The following MTAP variants were observed in gnomAD, a reference collection of about 807,000 sequenced individuals.
The protein encoded by MTAP is S-methyl-5'-thioadenosine phosphorylase.
A neutral mutation model predicts 33.6 loss-of-function variants in MTAP; 33 were observed. That is an observed-to-expected ratio of 0.98 (90% CI 0.74 to 1.31). The LOEUF (loss-of-function observed/expected upper bound fraction) is 1.31, where lower values mean the gene tolerates loss of function less well. MTAP is among the 40% of genes most tolerant of loss of function. The pLI is 0.00. For synonymous variants in MTAP, 148 were observed against 125.7 expected, an observed-to-expected ratio of 1.18 and a Z score of -1.19; for missense variants, 367 against 360.0, an observed-to-expected ratio of 1.02 and a Z score of -0.16.
intron 5 of MTAP, among the ~76,000 whole-genome samples, chr9:21,849,852 A>G (rs1249316439): frequency 6.6e-6 from 1 of 152,206 alleles, no homozygotes; most frequent in African/African-American, 2.4e-5. Context: ...ATGTGATTTC[A>G]TTGCTTGAGC....
intron 6 of MTAP, 60 bp downstream of exon 6, chr9:21,854,930 C>A: frequency 6.4e-7 from 1 of 1,571,152 alleles, no homozygotes. Flanking sequence ...AATAGGGTGT[C>A]TTAACTGTTT....
At chr9:21,915,052 C>CT (rs1563869490) in intron 1 of MTAP, among the ~76,000 whole-genome samples, 60 of 98,942 alleles carry the variant, frequency 6.1e-4, no homozygotes, top group Middle Eastern at 4.7e-3. Flanking sequence ...TCCTTCCTTC[C>CT]TTCCTTTCTT....
At chr9:21,813,266 C>T (rs916402965) in intron 1 of MTAP, among the ~76,000 whole-genome samples, 7 of 152,316 alleles carry the variant, frequency 4.6e-5, no homozygotes, top group South Asian at 2.1e-4. Context: ...CTGTATCCCT[C>T]GCACAATGTA....
In MTAP at chr9:21,851,599, G is replaced by T. The variant is rs117549733; in HGVS notation, c.451-3032G>T. Among the ~76,000 whole-genome samples the T allele has an allele frequency of 6.6e-3, 1,010 of 152,264 alleles. 17 individuals are homozygous for T. Among genetic ancestry groups the T allele is most frequent in the East Asian group, 0.053 (272 of 5,176 alleles). ...GATTATGTATGATCTCAGGAGATGT[G>T]TATGGATTCATGTGGACTTGTGATG... is the stretch of plus-strand genomic sequence containing the variant. On this transcript the variant is annotated intron_variant, in intron 5 of 7. Transcript: ENST00000644715.
chr9:21,817,638 A>C (rs953916987), intron 3 of MTAP, among the ~76,000 whole-genome samples: 1 of 152,012 alleles, frequency 6.6e-6, no homozygotes. Context: ...CTCCATGGTT[A>C]AGCTGTACCT....
At chr9:21,817,904 G>A in intron 3 of MTAP, 131 bp from the exon 4 acceptor site, 6 of 821,166 alleles carry the variant, frequency 7.3e-6, no homozygotes, top group Non-Finnish European at 1.1e-5. Context: ...TCACTGGACT[G>A]GGTTCTAGGA....
At chr9:21,889,201 G>T (rs1818160524) in intron 1 of MTAP, among the ~76,000 whole-genome samples, 1 of 151,912 alleles carries the variant, frequency 6.6e-6, no homozygotes, top group Non-Finnish European at 1.5e-5. Flanking sequence ...GTCTTTGTCA[G>T]ATTGGGTTAA....
intron 1 of MTAP, among the ~76,000 whole-genome samples, chr9:21,928,079 C>T (rs920595032): frequency 6.6e-6 from 1 of 152,186 alleles, no homozygotes. Context: ...CCCCAGTGAA[C>T]TGCCCTTCTC....
rs562411829 is a variant in MTAP, at chr9:21,898,619, GAC to G, written c.148-32385_148-32384del. Among the ~76,000 whole-genome samples the G allele has an allele frequency of 2.0e-5, 3 of 152,132 alleles. No individual in the cohort carries two copies. In the South Asian group the frequency reaches 6.2e-4, roughly 32 times the overall value. On this transcript the variant is annotated intron_variant, in intron 1 of 1. Coordinates refer to the MTAP transcript ENST00000577563. ...AAAGAATACATTTATGCAGCCAACA[GAC>G]ACATGAAAAAATGTTCATCATCACT... is the stretch of plus-strand genomic sequence containing the variant.
intron 4 of MTAP, among the ~76,000 whole-genome samples, chr9:21,820,737 T>C (rs1824613227): frequency 6.6e-6 from 1 of 152,268 alleles, no homozygotes; most frequent in Non-Finnish European, 1.5e-5. Context: ...TTTCATGATA[T>C]TGATTCTACC....
At position 21,809,701 on chromosome 9, in the gene MTAP, G is replaced by T. The variant is rs555669330; in HGVS notation, c.34-5732G>T. On this transcript the variant is annotated intron_variant, in intron 1 of 7. Coordinates refer to ENST00000644715, the MANE Select transcript of MTAP (RefSeq NM_002451.4). ...CTAGAGCAGGTTGCTTAGTTCTGAG[G>T]GCACTTTAGAACCACCTGCGGAGCT... Among the ~76,000 whole-genome samples, 6 of 152,072 alleles carry T rather than the reference G, an allele frequency of 3.9e-5. No individual in the cohort carries two copies. In the South Asian group the frequency reaches 1.2e-3, roughly 32 times the overall value.
chr9:21,914,187 T>C (rs1387820165), intron 1 of MTAP, among the ~76,000 whole-genome samples: 1 of 152,218 alleles, frequency 6.6e-6, no homozygotes, highest in East Asian at 1.9e-4. Flanking sequence ...TTGGTGGGAC[T>C]GTAAACTAGT....
At chr9:21,935,121 C>CATAA (rs1453263880), downstream of MTAP, 3 of 152,154 alleles carry the variant, frequency 2.0e-5, no homozygotes, top group African/African-American at 7.2e-5. Context: ...AATGAAATTT[C>CATAA]ATAAGTCAAT....
At chr9:21,918,828 G>A (rs1447382227) in intron 1 of MTAP, among the ~76,000 whole-genome samples, 1 of 151,860 alleles carries the variant, frequency 6.6e-6, no homozygotes, top group African/African-American at 2.4e-5. Context: ...ATGATTGTGA[G>A]GCCTCTTCAA....
chr9:21,908,966 A>G (rs1818520251), intron 1 of MTAP, among the ~76,000 whole-genome samples: 1 of 152,036 alleles, frequency 6.6e-6, no homozygotes, highest in African/African-American at 2.4e-5. Context: ...TATATTTGGA[A>G]CCACATCAAT....
At chr9:21,876,029 A>C (rs539279834) in intron 1 of MTAP, among the ~76,000 whole-genome samples, 2 of 152,152 alleles carry the variant, frequency 1.3e-5, no homozygotes, top group Middle Eastern at 6.8e-3. Context: ...CCTCGTCAGC[A>C]TCTGTTATTT....
chr9:21,936,105 C>CA (rs1253411415), downstream of MTAP: 65 of 152,186 alleles, frequency 4.3e-4, no homozygotes, highest in African/African-American at 1.6e-3. Flanking sequence ...ATCTAAAGAT[C>CA]AATGTATAGG....
chr9:21,895,744 C>T (rs958074130), intron 1 of MTAP, among the ~76,000 whole-genome samples: 7 of 152,180 alleles, frequency 4.6e-5, no homozygotes, highest in South Asian at 2.1e-4. Context: ...AACTGCAAGG[C>T]GGCAGCGAGG....
At chr9:21,836,087 A>G (rs1294334670) in intron 4 of MTAP, among the ~76,000 whole-genome samples, 2 of 152,140 alleles carry the variant, frequency 1.3e-5, no homozygotes, top group African/African-American at 2.4e-5. Flanking sequence ...TCTCTAGCCC[A>G]GACCCACACT....
Sources: gnomAD v4.1 joint callset for allele counts (sites outside exome capture counted in the v4.1 genomes callset) on GRCh38, gnomAD v4.1.1 for gene constraint, MANE v1.5 for transcripts, NCBI Gene and HGNC (gene_info 2026-07-23, HGNC 2026-07-21) for gene names.